DENND2D: variants seen among roughly 807,000 people sequenced by gnomAD.
The protein encoded by DENND2D is DENN domain containing 2D.
In DENND2D, 37 loss-of-function variants were observed where a neutral mutation model predicts 59.8. That is an observed-to-expected ratio of 0.62 (90% CI 0.48 to 0.81). The LOEUF is 0.81. DENND2D is among the 40% of genes least tolerant of loss of function. The pLI is 0.00. For missense variants in DENND2D, 525 were observed against 579.7 expected (o/e 0.91, Z 0.97); for synonymous variants, 219 against 211.3 (o/e 1.04, Z -0.31).
upstream of DENND2D, chr1:111,204,232 A>G: frequency 1.4e-6 from 2 of 1,418,040 alleles, no homozygotes; most frequent in Non-Finnish European, 1.8e-6. Flanking sequence ...CCCAGCCGCC[A>G]GCCCTAGCCC....
At chr1:111,204,410 C>A, upstream of DENND2D, 1 of 1,336,414 alleles carries the variant, frequency 7.5e-7, no homozygotes, top group Non-Finnish European at 9.6e-7. Flanking sequence ...GCCCCCCTAT[C>A]CTTGACCTCC....
chr1:111,201,906 C>A (rs35430374), upstream of DENND2D, among the ~76,000 whole-genome samples: 18,014 of 152,244 alleles, frequency 0.12, 1,421 homozygotes, highest in Admixed American at 0.2. Flanking sequence ...GGAGCTGGCA[C>A]CACACCTTAC....
chr1:111,188,415 A>T, intron 10 of DENND2D, 45 bp from the exon 11 acceptor site: 2 of 1,598,290 alleles, frequency 1.3e-6, no homozygotes, highest in East Asian at 2.2e-5. Context: ...CAGAAGGATG[A>T]AATTACCCAA....
chr1:111,194,674 C>A lies in DENND2D; in HGVS notation c.698G>T (p.Ser233Ile). Residue 233 changes from serine (S) to isoleucine (I), a missense_variant, in exon 7 of 12, where the codon AGT becomes ATT. Ser to Ile is a moderately radical substitution (Grantham distance 142). Coordinates refer to ENST00000357640, the MANE Select transcript of DENND2D (RefSeq NM_024901.5). ...LDSHLEHVDF[S>I]SLLHCLSFEQ... is the part of the protein sequence containing the mutation. ...AAAACTGAGACAGTGCAATAGAGAACTAAAATCCACATGTTCTAGGTGGGA... is the reference window on the plus strand; with the variant it reads ...AAAACTGAGACAGTGCAATAGAGAAATAAAATCCACATGTTCTAGGTGGGA... 6.2e-7 allele frequency: 1 copy of A among 1,614,030 alleles called. No homozygotes were observed. The highest frequency in any genetic ancestry group is 8.5e-7 in the Non-Finnish European group (1 of 1,179,988).
chr1:111,188,668 C>T (rs1657448958), intron 10 of DENND2D, 34 bp downstream of exon 10: 2 of 1,571,130 alleles, frequency 1.3e-6, no homozygotes, highest in African/African-American at 2.7e-5. Flanking sequence ...CCTTGCACTG[C>T]CTGGAGAGAC....
At chr1:111,190,171 A>AG (rs1221541675) in intron 8 of DENND2D, among the ~76,000 whole-genome samples, 2 of 149,250 alleles carry the variant, frequency 1.3e-5, no homozygotes, top group African/African-American at 5.0e-5. Context: ...CTCAAAAAAA[A>AG]AAAAAAAAAA....
At position 111,194,647 on chromosome 1, in the gene DENND2D, T is replaced by A; in HGVS notation, c.725A>T (p.Glu242Val). The A allele has an allele frequency of 6.2e-7, 1 of 1,613,760 alleles. No homozygotes were observed. Among genetic ancestry groups the A allele is most frequent in the Non-Finnish European group, 8.5e-7 (1 of 1,179,972 alleles). ...AGAGGCAAAGATCTGAAGTATCTGT[T>A]CAAAACTGAGACAGTGCAATAGAGA... ...FSSLLHCLSF[E>V]QILQIFASAV... The change falls in exon 7 of 12, where the codon GAA becomes GTA. Residue 242 changes from glutamate (E) to valine (V), a missense_variant. Glu to Val is a moderately radical substitution (Grantham distance 121). Around this residue, in one of 3 missense-constraint regions of DENND2D, gnomAD observed 47 missense variants for 80.9 expected, o/e 0.58. Transcript: ENST00000357640.
chr1:111,195,795 G>A (rs1044063181), intron 6 of DENND2D, 121 bp downstream of exon 6: 1 of 1,414,930 alleles, frequency 7.1e-7, no homozygotes, highest in African/African-American at 1.4e-5. Context: ...CCAAGTCCCA[G>A]TCCCCATCTG....
intron 9 of DENND2D, 141 bp from the exon 10 acceptor site, chr1:111,188,927 T>A (rs1438899317): frequency 1.3e-6 from 1 of 774,986 alleles, no homozygotes; most frequent in Non-Finnish European, 2.2e-6. Flanking sequence ...CAACAGAAGC[T>A]GTTTCTTGGC....
upstream of DENND2D, chr1:111,204,324 G>A (rs1338881495): frequency 1.3e-5 from 19 of 1,481,770 alleles, no homozygotes; most frequent in Non-Finnish European, 1.7e-5. Context: ...GTCTCAGGCT[G>A]GCTCGAAGGC....
At chr1:111,190,007 G>A (rs1378480357) in intron 8 of DENND2D, among the ~76,000 whole-genome samples, 6 of 151,638 alleles carry the variant, frequency 4.0e-5, no homozygotes, top group South Asian at 2.1e-4. Flanking sequence ...TACTAAAAAC[G>A]CAAAAAATCA....
chr1:111,198,848 G>T (rs998251193), intron 2 of DENND2D, 106 bp from the exon 3 acceptor site: 49 of 1,141,094 alleles, frequency 4.3e-5, no homozygotes, highest in Non-Finnish European at 5.7e-5. Flanking sequence ...AGCAGTCTAG[G>T]GTTAAGCTTC....
At chr1:111,196,292 T>G in intron 5 of DENND2D, 1 of 436,714 alleles carries the variant, frequency 2.3e-6, no homozygotes, top group African/African-American at 2.0e-5. Context: ...AGCTTCCTTT[T>G]TATTATCTCT....
chr1:111,197,236 A>G lies in DENND2D; in HGVS notation c.444T>C (p.Pro148=). The part of the protein sequence containing the change: ...CRRLLPAGPG[P]RLPKVYCIIS... Reference sequence around the variant, plus strand: ...TGATGCAGTACACTTTGGGAAGGCGAGGGCCAGGGCCGGCAGGCTGGGGAG... The same window carrying G: ...TGATGCAGTACACTTTGGGAAGGCGGGGGCCAGGGCCGGCAGGCTGGGGAG... The change falls in exon 5 of 12, where the codon CCT becomes CCC. Residue 148 remains proline, a synonymous_variant. Coordinates refer to ENST00000357640, the MANE Select transcript of DENND2D (RefSeq NM_024901.5). The G allele has an allele frequency of 6.2e-7, 1 of 1,613,540 alleles. No homozygotes were observed. The highest frequency in any genetic ancestry group is 8.5e-7 in the Non-Finnish European group (1 of 1,179,900).
At chr1:111,192,103 T>C (rs376719159) in intron 8 of DENND2D, 37 bp downstream of exon 8, 2 of 1,512,024 alleles carry the variant, frequency 1.3e-6, no homozygotes, top group African/African-American at 1.4e-5. Context: ...CCACTCTACC[T>C]GGCTCCAAAT....
chr1:111,188,750 G>A lies in DENND2D; in HGVS notation c.1051C>T (p.Gln351Ter). ...DEKDILPPKL[Q>*]DDILDSLGQG... is the part of the protein sequence containing the mutation. ...CCAAGAGAGTCTAAGATGTCATCCTGAAGCTTCGGTGGCAGGATGTCTTTT... is the reference window on the plus strand; with the variant it reads ...CCAAGAGAGTCTAAGATGTCATCCTAAAGCTTCGGTGGCAGGATGTCTTTT... Residue 351 changes from glutamine (Q) to a stop codon, truncating the protein, a stop_gained, in exon 10 of 12, where the codon CAG becomes TAG. Transcript: ENST00000357640. LOFTEE classifies it high-confidence loss of function. 6.2e-7 allele frequency: 1 copy of A among 1,614,116 alleles called. No individual in the cohort carries two copies. The highest frequency in any genetic ancestry group is 8.5e-7 in the Non-Finnish European group (1 of 1,180,020).
Position 111,198,633 on chromosome 1 carries a change from G to A in DENND2D, c.353C>T (p.Pro118Leu). The A allele has an allele frequency of 1.2e-6, 2 of 1,613,958 alleles. No homozygotes were observed. The highest frequency in any genetic ancestry group is 1.1e-5 in the South Asian group (1 of 91,074). Reference protein sequence around the residue: ...GNEWASLTEYPRETFSFVLTN... With the variant: ...GNEWASLTEYLRETFSFVLTN... Reference sequence around the variant, plus strand: ...TTGCCCAGGGCTGAGCAATTACCTGGGATACTCGGTGAGTGATGCCCACTC... The same window carrying A: ...TTGCCCAGGGCTGAGCAATTACCTGAGATACTCGGTGAGTGATGCCCACTC... The change falls in exon 3 of 12, where the codon CCC becomes CTC. Residue 118 changes from proline to leucine, a missense_variant. Pro to Leu is a moderately conservative substitution (Grantham distance 98). Around this residue, in one of 3 missense-constraint regions of DENND2D, gnomAD observed 253 missense variants for 246.4 expected, o/e 1.03. Coordinates refer to ENST00000357640, the MANE Select transcript of DENND2D (RefSeq NM_024901.5).
chr1:111,200,529 A>G lies in DENND2D; in HGVS notation c.-70T>C. 6.5e-7 allele frequency: 1 copy of G among 1,549,646 alleles called. No individual in the cohort carries two copies. Among genetic ancestry groups the G allele is most frequent in the African/African-American group, 1.4e-5 (1 of 73,096 alleles). ...AGACAGACTGGTGACAGTAAGCCTG[A>G]GAAAGGGGCTGCTTCGGTCTCCAGC... On this transcript the variant is annotated 5_prime_UTR_variant, in exon 1 of 12. Coordinates refer to ENST00000357640, the MANE Select transcript of DENND2D (RefSeq NM_024901.5).
At chr1:111,200,679 C>A (rs1658716666), upstream of DENND2D, 9 of 1,328,408 alleles carry the variant, frequency 6.8e-6, no homozygotes, top group African/African-American at 1.2e-4. Context: ...GAAGCCAGCA[C>A]CAACAGAGTC....
Sources: gnomAD v4.1 joint callset for allele counts (sites outside exome capture counted in the v4.1 genomes callset) on GRCh38, gnomAD v4.1.1 for gene constraint, gnomAD v4.1.1 regional missense constraint, MANE v1.5 for transcripts, NCBI Gene and HGNC (gene_info 2026-07-23, HGNC 2026-07-21) for gene names.